PLCG2: variants seen among roughly 807,000 people sequenced by gnomAD.
PLCG2 encodes the protein 1-phosphatidylinositol 4,5-bisphosphate phosphodiesterase gamma-2.
Under a neutral mutation model 175.6 loss-of-function variants are expected in PLCG2, and 69 were observed. That is an observed-to-expected ratio of 0.39 (90% CI 0.32 to 0.48). The LOEUF is 0.48. Among genes scored for constraint, PLCG2 ranks in the 20% least tolerant of loss-of-function variants. PLCG2 has a pLI of 0.91. For synonymous variants in PLCG2, 827 were observed against 624.0 expected (o/e 1.33, Z -4.85); for missense variants, 1,798 against 1,650.9 (o/e 1.09, Z -1.54).
At chr16:81,939,085 CT>C (rs1910833872) in intron 29 of PLCG2, among the ~76,000 whole-genome samples, 170 bp downstream of exon 29, 1 of 152,150 alleles carries the variant, frequency 6.6e-6, no homozygotes, top group African/African-American at 2.4e-5. Flanking sequence ...CAAAGGGCCA[CT>C]TTCTGAAATC....
intron 9 of PLCG2, among the ~76,000 whole-genome samples, chr16:81,886,226 G>A (rs1159923957): frequency 1.3e-5 from 2 of 152,152 alleles, no homozygotes; most frequent in Non-Finnish European, 2.9e-5. Context: ...TTCCCCAAAC[G>A]GGGCCCTTTG....
chr16:81,801,624 A>AT (rs1205966457), intron 2 of PLCG2, among the ~76,000 whole-genome samples: 1 of 152,008 alleles, frequency 6.6e-6, no homozygotes, highest in Non-Finnish European at 1.5e-5. Flanking sequence ...ATTCTACCTT[A>AT]TTTTTTAAAA....
intron 4 of PLCG2, among the ~76,000 whole-genome samples, chr16:81,858,619 G>A (rs1383053744): frequency 6.6e-6 from 1 of 152,150 alleles, no homozygotes; most frequent in African/African-American, 2.4e-5. Flanking sequence ...CATTCCTGGG[G>A]TATGTGCTGG....
At chr16:81,864,182 T>G (rs1372414773) in intron 5 of PLCG2, among the ~76,000 whole-genome samples, 1 of 152,030 alleles carries the variant, frequency 6.6e-6, no homozygotes, top group Non-Finnish European at 1.5e-5. Flanking sequence ...AGTGGCTGAT[T>G]GAGTAGGTGG....
intron 1 of PLCG2, among the ~76,000 whole-genome samples, chr16:81,740,932 G>A (rs982162870): frequency 1.3e-5 from 2 of 152,102 alleles, no homozygotes; most frequent in Non-Finnish European, 1.5e-5. Context: ...AATCCTCCCT[G>A]GAATTCCCAC....
At chr16:81,756,353 C>A (rs975912511) in intron 2 of PLCG2, among the ~76,000 whole-genome samples, 1 of 152,214 alleles carries the variant, frequency 6.6e-6, no homozygotes, top group South Asian at 2.1e-4. Flanking sequence ...CAGTCACTGA[C>A]CTCAGCGATC....
At chr16:81,859,072 A>G in intron 4 of PLCG2, 44 bp from the exon 5 acceptor site, 2 of 1,242,468 alleles carry the variant, frequency 1.6e-6, no homozygotes, top group South Asian at 1.2e-5. Flanking sequence ...GCTATTTTCT[A>G]ATTTTCTCTT....
chr16:81,897,100 G>T (rs1035929821), intron 13 of PLCG2, among the ~76,000 whole-genome samples: 5 of 152,196 alleles, frequency 3.3e-5, no homozygotes, highest in African/African-American at 1.2e-4. Context: ...CATGAGTCTG[G>T]CTGTGTTCCA....
chr16:81,844,689 A>C (rs1050772748), intron 2 of PLCG2, among the ~76,000 whole-genome samples: 1 of 152,186 alleles, frequency 6.6e-6, no homozygotes, highest in Non-Finnish European at 1.5e-5. Flanking sequence ...TATGATCTGG[A>C]TTGTGCATTT....
chr16:81,907,066 C>T (rs1909404538), intron 15 of PLCG2, among the ~76,000 whole-genome samples: 1 of 148,534 alleles, frequency 6.7e-6, no homozygotes. Flanking sequence ...CAGTGCAGCA[C>T]ACCAACATGG....
chr16:81,858,436 G>A, intron 4 of PLCG2, 80 bp downstream of exon 4: 1 of 976,026 alleles, frequency 1.0e-6, no homozygotes, highest in Non-Finnish European at 1.6e-6. Context: ...GGCTACAGGG[G>A]GGAAAAAAAA....
At chr16:81,913,713 G>A (rs914696295) in intron 19 of PLCG2, among the ~76,000 whole-genome samples, 2 of 152,200 alleles carry the variant, frequency 1.3e-5, no homozygotes, top group African/African-American at 4.8e-5. Context: ...GCGCGGTGGT[G>A]CTGGCTGCAT....
At chr16:81,844,043 G>T (rs546034064) in intron 2 of PLCG2, among the ~76,000 whole-genome samples, 1 of 142,452 alleles carries the variant, frequency 7.0e-6, no homozygotes, top group Non-Finnish European at 1.5e-5. Context: ...GTGGTGTGAC[G>T]TCGGCTCACT....
chr16:81,854,638 C>G, intron 3 of PLCG2, 51 bp downstream of exon 3: 2 of 1,557,890 alleles, frequency 1.3e-6, no homozygotes, highest in Non-Finnish European at 1.8e-6. Flanking sequence ...TAGTGTCTTC[C>G]TGAAGAAGTT....
chr16:81,930,919 TTTTTAAAATGAACATG>T (rs1910473966), intron 24 of PLCG2, among the ~76,000 whole-genome samples: 1 of 152,214 alleles, frequency 6.6e-6, no homozygotes, highest in African/African-American at 2.4e-5. Context: ...ATTTTAAATA[TTTTTAAAATGAACATG>T]TATTGTTTTA....
intron 2 of PLCG2, among the ~76,000 whole-genome samples, chr16:81,831,753 C>G (rs1905267696): frequency 6.6e-6 from 1 of 152,160 alleles, no homozygotes; most frequent in South Asian, 2.1e-4. Flanking sequence ...GCTCCCCGCT[C>G]TTGCCCCAAT....
chr16:81,790,011 G>A (rs1010139621), intron 2 of PLCG2, among the ~76,000 whole-genome samples: 5 of 152,244 alleles, frequency 3.3e-5, no homozygotes, highest in African/African-American at 1.2e-4. Flanking sequence ...CCTTGGATGA[G>A]CTTTGCTGTG....
chr16:81,757,665 T>C (rs542196143), intron 2 of PLCG2, among the ~76,000 whole-genome samples: 1 of 152,376 alleles, frequency 6.6e-6, no homozygotes, highest in African/African-American at 2.4e-5. Flanking sequence ...TATTGAGATA[T>C]AATTCATGTA....
At chr16:81,830,666 GTA>G (rs1189692382) in intron 2 of PLCG2, among the ~76,000 whole-genome samples, 1,587 of 136,094 alleles carry the variant, frequency 0.012, 19 homozygotes, top group Non-Finnish European at 0.017. Context: ...GTGTGTGTGT[GTA>G]TATATATATA....
Sources: gnomAD v4.1 joint callset for allele counts (sites outside exome capture counted in the v4.1 genomes callset) on GRCh38, gnomAD v4.1.1 for gene constraint, MANE v1.5 for transcripts, NCBI Gene and HGNC (gene_info 2026-07-23, HGNC 2026-07-21) for gene names.